The following UNC13C variants were observed in gnomAD, a reference collection of about 807,000 sequenced individuals.
The protein encoded by UNC13C is unc-13 homolog C, also known as protein unc-13 homolog C.
Under a neutral mutation model 245.4 loss-of-function variants are expected in UNC13C, and 174 were observed. That is an observed-to-expected ratio of 0.71 (90% CI 0.63 to 0.80). UNC13C has a LOEUF of 0.80. Ranked by LOEUF, UNC13C falls within the 30% of genes least tolerant of loss-of-function variation. The pLI is 0.00. For missense variants in UNC13C, 2,829 were observed against 2,602.9 expected (o/e 1.09, Z -1.89); for synonymous variants, 992 against 895.1 (o/e 1.11, Z -1.93).
chr15:53,970,622 T>C, the UNC13C span, among the ~76,000 whole-genome samples: 1 of 152,120 alleles, frequency 6.6e-6, no homozygotes, highest in South Asian at 2.1e-4. Flanking sequence ...AAGTGGGAGC[T>C]GAACGATGAG....
At chr15:54,435,477 A>G (rs2040962972) in intron 19 of UNC13C, among the ~76,000 whole-genome samples, 1 of 151,958 alleles carries the variant, frequency 6.6e-6, no homozygotes, top group Non-Finnish European at 1.5e-5. Flanking sequence ...TAACACAAGA[A>G]CAGAAAACTA....
intron 17 of UNC13C, among the ~76,000 whole-genome samples, chr15:54,345,902 T>G (rs1014963474): frequency 8.5e-5 from 13 of 152,192 alleles, no homozygotes; most frequent in Non-Finnish European, 1.8e-4. Flanking sequence ...CCATGGTGAC[T>G]TTGCCTGCCT....
the UNC13C span, among the ~76,000 whole-genome samples, chr15:53,861,341 G>A: frequency 1.3e-5 from 2 of 152,226 alleles, no homozygotes; most frequent in East Asian, 3.9e-4. Context: ...GGATATAATT[G>A]GAAACTTTAT....
At chr15:53,878,660 A>T in the UNC13C span, among the ~76,000 whole-genome samples, 1 of 152,182 alleles carries the variant, frequency 6.6e-6, no homozygotes, top group Non-Finnish European at 1.5e-5. Flanking sequence ...AATTTTAAGA[A>T]ATATTTGGAA....
At chr15:54,311,199 T>G (rs546123575) in intron 13 of UNC13C, among the ~76,000 whole-genome samples, 1 of 151,786 alleles carries the variant, frequency 6.6e-6, no homozygotes, top group Non-Finnish European at 1.5e-5. Context: ...GAGTAAGCTT[T>G]TAATCTTGGC....
intron 30 of UNC13C, among the ~76,000 whole-genome samples, chr15:54,587,783 GC>G (rs11304841): frequency 0.024 from 3,670 of 152,194 alleles, 152 homozygotes; most frequent in African/African-American, 0.084. Flanking sequence ...TACACAAACA[GC>G]AAACATCTTT....
chr15:54,212,432 G>C (rs772966363), intron 4 of UNC13C, among the ~76,000 whole-genome samples: 2 of 152,036 alleles, frequency 1.3e-5, no homozygotes, highest in South Asian at 2.1e-4. Context: ...ACAGTCACTG[G>C]AAACAGCTCC....
intron 2 of UNC13C, among the ~76,000 whole-genome samples, chr15:54,135,188 A>G (rs749874243): frequency 2.0e-5 from 3 of 152,194 alleles, no homozygotes; most frequent in African/African-American, 7.2e-5. Context: ...ATGGAGTTAT[A>G]TATTTTGGAT....
chr15:53,873,935 C>CCTGT, the UNC13C span, among the ~76,000 whole-genome samples: 1 of 140,762 alleles, frequency 7.1e-6, no homozygotes, highest in African/African-American at 2.7e-5. Flanking sequence ...TTCCTTCCTT[C>CCTGT]CTTCCTTCCT....
chr15:53,933,726 G>A, the UNC13C span, among the ~76,000 whole-genome samples: 23,433 of 152,128 alleles, frequency 0.15, 2,153 homozygotes, highest in Middle Eastern at 0.22. Context: ...TTCTCAGCTC[G>A]TAGCACCATC....
At chr15:54,613,717 G>A (rs2141293904) in intron 30 of UNC13C, among the ~76,000 whole-genome samples, 1 of 151,954 alleles carries the variant, frequency 6.6e-6, no homozygotes, top group African/African-American at 2.4e-5. Context: ...ATGATAAAAT[G>A]CCAGGCTTAT....
At chr15:54,050,662 TCTTATA>T (rs1470001313) in intron 2 of UNC13C, 2 of 491,124 alleles carry the variant, frequency 4.1e-6, no homozygotes, top group African/African-American at 4.0e-5. Context: ...TGAATTTGTC[TCTTATA>T]CTCAAACTCT....
At chr15:53,986,099 C>A (rs1894129011) in intron 1 of UNC13C, among the ~76,000 whole-genome samples, 1 of 152,040 alleles carries the variant, frequency 6.6e-6, no homozygotes, top group African/African-American at 2.4e-5. Flanking sequence ...TGGGGAAATT[C>A]TTAGAGCATC....
chr15:54,566,325 G>C (rs763222745), intron 29 of UNC13C, among the ~76,000 whole-genome samples: 53 of 152,092 alleles, frequency 3.5e-4, no homozygotes, highest in Non-Finnish European at 7.1e-4. Context: ...TAAGGCACCT[G>C]AAACAGTTCT....
the UNC13C span, among the ~76,000 whole-genome samples, chr15:53,924,341 T>A: frequency 1.3e-5 from 2 of 152,256 alleles, no homozygotes; most frequent in African/African-American, 4.8e-5. Context: ...CCTCGTAATC[T>A]TTTTGAGATT....
intron 15 of UNC13C, among the ~76,000 whole-genome samples, chr15:54,332,335 G>GTA (rs1555450464): frequency 6.6e-6 from 1 of 151,334 alleles, no homozygotes; most frequent in Non-Finnish European, 1.5e-5. Flanking sequence ...GTGTGTGTGT[G>GTA]TGTTTGTGTA....
chr15:53,882,933 A>G, the UNC13C span, among the ~76,000 whole-genome samples: 4 of 152,180 alleles, frequency 2.6e-5, no homozygotes, highest in Non-Finnish European at 4.4e-5. Flanking sequence ...AGCAGGAAGA[A>G]TAACTAATGG....
chr15:54,312,925 C>A (rs1258700494), intron 13 of UNC13C, among the ~76,000 whole-genome samples: 1 of 151,752 alleles, frequency 6.6e-6, no homozygotes, highest in African/African-American at 2.4e-5. Flanking sequence ...AAGTTCCTTC[C>A]AGAAACTGGG....
At chr15:54,064,890 T>C (rs1898004720) in intron 2 of UNC13C, among the ~76,000 whole-genome samples, 3 of 152,236 alleles carry the variant, frequency 2.0e-5, no homozygotes, top group South Asian at 2.1e-4. Flanking sequence ...TTATATGAAG[T>C]TCTCAAAATC....
Sources: gnomAD v4.1 joint callset for allele counts (sites outside exome capture counted in the v4.1 genomes callset) on GRCh38, gnomAD v4.1.1 for gene constraint, MANE v1.5 for transcripts, NCBI Gene and HGNC (gene_info 2026-07-23, HGNC 2026-07-21) for gene names.